Variants in PCNX1 observed in about 807,000 individuals in gnomAD.
PCNX1 encodes pecanex 1, also known as pecanex-like protein 1.
In PCNX1, 78 loss-of-function variants were observed where a neutral mutation model predicts 242.2. The ratio of observed to expected loss-of-function variants is 0.32; its 90% CI spans 0.27 to 0.39. The LOEUF (loss-of-function observed/expected upper bound fraction) is 0.39. PCNX1 is among the 10% of genes least tolerant of loss of function. PCNX1 has a pLI of 1.00. For missense variants in PCNX1, 2,581 were observed against 2,856.5 expected (o/e 0.90, Z 2.20); for synonymous variants, 1,024 against 1,032.9 (o/e 0.99, Z 0.17).
chr14:71,094,419 C>T (rs1028907269), intron 30 of PCNX1, among the ~76,000 whole-genome samples: 1 of 152,152 alleles, frequency 6.6e-6, no homozygotes, highest in African/African-American at 2.4e-5. Context: ...AAAATGGGTG[C>T]ATTTTGTTGT....
intron 26 of PCNX1, among the ~76,000 whole-genome samples, chr14:71,068,493 CATATATATGTATAT>C (rs1323155095): frequency 6.7e-6 from 1 of 148,448 alleles, no homozygotes; most frequent in African/African-American, 2.5e-5. Flanking sequence ...TACACACACA[CATATATATGTATAT>C]ATATGTATAC....
intron 1 of PCNX1, among the ~76,000 whole-genome samples, chr14:70,942,354 T>G (rs2057287381): frequency 6.6e-6 from 1 of 152,224 alleles, no homozygotes; most frequent in Non-Finnish European, 1.5e-5. Context: ...ATTGCACTTG[T>G]AAATTTAGTA....
intron 2 of PCNX1, among the ~76,000 whole-genome samples, chr14:70,956,823 G>GT (rs762644495): frequency 3.9e-5 from 6 of 152,026 alleles, no homozygotes; most frequent in East Asian, 1.9e-4. Flanking sequence ...CGTTAGGCAA[G>GT]TTTTTTTGCC....
intron 28 of PCNX1, among the ~76,000 whole-genome samples, chr14:71,086,538 T>C (rs1174519211): frequency 1.3e-5 from 2 of 152,232 alleles, no homozygotes; most frequent in Non-Finnish European, 2.9e-5. Context: ...CAGCTGTTAG[T>C]CTGGGGCTAA....
intron 1 of PCNX1, among the ~76,000 whole-genome samples, chr14:70,931,895 G>A (rs986048346): frequency 6.6e-6 from 1 of 152,182 alleles, no homozygotes; most frequent in African/African-American, 2.4e-5. Flanking sequence ...AGGCCAAGGC[G>A]GGCGGATCGC....
chr14:71,114,946 G>T lies in PCNX1; in HGVS notation c.*5011G>T, dbSNP rs1390830178. On this transcript the variant is annotated 3_prime_UTR_variant, in exon 36 of 36. Transcript: ENST00000304743. Reference sequence around the variant, plus strand: ...TCTACAACCAAAATAATAGAAATGGGGGGGGGGGGGGGAATCATGTCTGCT... The same window carrying T: ...TCTACAACCAAAATAATAGAAATGGTGGGGGGGGGGGGAATCATGTCTGCT... 3 of 68,376 alleles carry T rather than the reference G, an allele frequency of 4.4e-5. No individual in the cohort carries two copies. Among genetic ancestry groups the T allele is most frequent in the African/African-American group, 1.1e-4 (1 of 9,006 alleles). The allele number at this position is 68,376 out of a possible 1,614,324, so 4.2% of individuals were successfully genotyped here.
At chr14:70,937,296 G>C (rs189314195) in intron 1 of PCNX1, among the ~76,000 whole-genome samples, 119 of 152,196 alleles carry the variant, frequency 7.8e-4, no homozygotes, top group Non-Finnish European at 1.2e-3. Context: ...AATCCATCTT[G>C]AATTAATTTT....
chr14:71,101,836 T>C (rs540458892), intron 30 of PCNX1, among the ~76,000 whole-genome samples, 154 bp from the exon 31 acceptor site: 1 of 152,182 alleles, frequency 6.6e-6, no homozygotes, highest in South Asian at 2.1e-4. Flanking sequence ...CTAACCCAGT[T>C]ATGACTGAGA....
chr14:71,094,793 A>G (rs947031087), intron 30 of PCNX1, among the ~76,000 whole-genome samples: 17 of 152,172 alleles, frequency 1.1e-4, no homozygotes. Flanking sequence ...TTAGCCAGGC[A>G]AGGTATCGCA....
At chr14:71,007,474 A>G (rs2059699485) in intron 8 of PCNX1, among the ~76,000 whole-genome samples, 1 of 152,174 alleles carries the variant, frequency 6.6e-6, no homozygotes, top group Non-Finnish European at 1.5e-5. Context: ...TATTGAATAC[A>G]GAATTAACTT....
chr14:71,084,368 C>G (rs1180925963), intron 28 of PCNX1, among the ~76,000 whole-genome samples: 1 of 152,218 alleles, frequency 6.6e-6, no homozygotes, highest in Admixed American at 6.5e-5. Context: ...CTTAGCAGAG[C>G]TCAAGTGCTG....
intron 30 of PCNX1, among the ~76,000 whole-genome samples, chr14:71,094,239 A>G (rs967498816): frequency 2.6e-5 from 4 of 152,238 alleles, no homozygotes; most frequent in African/African-American, 9.6e-5. Flanking sequence ...TTACTCAGCA[A>G]TAAAAAGAAA....
chr14:71,112,236 C>T lies in PCNX1; in HGVS notation c.*2301C>T, dbSNP rs1368471250. 6.6e-5 allele frequency: 10 copies of T among 152,040 alleles called. 1 individual carries two copies. The allele number at this position is 152,040 out of a possible 1,614,324, so 9.4% of individuals were successfully genotyped here. On this transcript the variant is annotated 3_prime_UTR_variant, in exon 36 of 36. Transcript: ENST00000304743. ...AGAATTTTTTAATTTCTAGCCCCTCCTCCAAAAAAATTTTAAACACATCAC... is the reference window on the plus strand; with the variant it reads ...AGAATTTTTTAATTTCTAGCCCCTCTTCCAAAAAAATTTTAAACACATCAC...
intron 1 of PCNX1, among the ~76,000 whole-genome samples, chr14:70,917,090 AG>A (rs759278087): frequency 1.3e-5 from 2 of 152,240 alleles, no homozygotes; most frequent in Non-Finnish European, 2.9e-5. Flanking sequence ...ACAGCAATCC[AG>A]TCACATCTTC....
At chr14:70,994,405 A>ATG (rs2059273113) in intron 7 of PCNX1, among the ~76,000 whole-genome samples, 1 of 57,222 alleles carries the variant, frequency 1.7e-5, no homozygotes, top group Non-Finnish European at 3.6e-5. Context: ...AGATATATAT[A>ATG]TATATATATA....
chr14:70,948,113 C>A (rs567059758), intron 2 of PCNX1, among the ~76,000 whole-genome samples: 1 of 152,294 alleles, frequency 6.6e-6, no homozygotes, highest in East Asian at 1.9e-4. Context: ...GGACAGTGAA[C>A]CTCATCAGTA....
intron 2 of PCNX1, among the ~76,000 whole-genome samples, chr14:70,956,612 G>T (rs556269875): frequency 6.6e-6 from 1 of 152,106 alleles, no homozygotes; most frequent in Non-Finnish European, 1.5e-5. Flanking sequence ...GTGGGCTTTA[G>T]GGTTTCACAG....
intron 1 of PCNX1, among the ~76,000 whole-genome samples, chr14:70,914,319 TG>T (rs1263035215): frequency 2.5e-5 from 3 of 118,662 alleles, no homozygotes; most frequent in Non-Finnish European, 5.4e-5. Flanking sequence ...ACATGTACCT[TG>T]CTGAATCTAA....
At chr14:71,009,586 A>G (rs774721734) in intron 8 of PCNX1, 48 bp from the exon 9 acceptor site, 1 of 1,108,032 alleles carries the variant, frequency 9.0e-7, no homozygotes, top group Non-Finnish European at 1.3e-6. Context: ...ATGAAGGAAA[A>G]ATTCTGAGTA....
Sources: gnomAD v4.1 joint callset for allele counts (sites outside exome capture counted in the v4.1 genomes callset) on GRCh38, gnomAD v4.1.1 for gene constraint, MANE v1.5 for transcripts, NCBI Gene and HGNC (gene_info 2026-07-23, HGNC 2026-07-21) for gene names.